The following GADL1 variants were observed in gnomAD, a reference collection of about 807,000 sequenced individuals.
GADL1 encodes GAD like acidic amino acid decarboxylase 1.
GADL1 carries 71 observed loss-of-function variants against 69.5 expected under a neutral mutation model. That is an observed-to-expected ratio of 1.02 (90% CI 0.84 to 1.25). The LOEUF (loss-of-function observed/expected upper bound fraction) is 1.25. Ranked by LOEUF, GADL1 falls within the 50% of genes most tolerant of loss-of-function variation. The pLI is 0.00. For synonymous variants in GADL1, 254 were observed against 214.4 expected, an observed-to-expected ratio of 1.18 and a Z score of -1.62; for missense variants, 737 against 631.8, an observed-to-expected ratio of 1.17 and a Z score of -1.79.
chr3:30,808,040 TAA>T (rs1400335073), intron 11 of GADL1, among the ~76,000 whole-genome samples: 2 of 151,728 alleles, frequency 1.3e-5, no homozygotes, highest in South Asian at 2.1e-4. Context: ...GGGGGGGAAA[TAA>T]AAGTGTTTTT....
At chr3:30,729,562 CG>C (rs1695423886) in intron 14 of GADL1, among the ~76,000 whole-genome samples, 1 of 152,124 alleles carries the variant, frequency 6.6e-6, no homozygotes, top group Non-Finnish European at 1.5e-5. Flanking sequence ...TGGGTTCCCA[CG>C]AGTCTCCCTC....
chr3:30,825,317 T>C (rs1440638282), intron 11 of GADL1, among the ~76,000 whole-genome samples: 1 of 151,962 alleles, frequency 6.6e-6, no homozygotes, highest in Non-Finnish European at 1.5e-5. Flanking sequence ...CTGAACAAAT[T>C]AGGGTTTAAA....
chr3:30,805,027 G>C (rs1000539604), intron 11 of GADL1, among the ~76,000 whole-genome samples: 7 of 152,168 alleles, frequency 4.6e-5, no homozygotes. Flanking sequence ...GACAAGCACA[G>C]AAACCACAAC....
In GADL1 at chr3:30,774,901, T is replaced by A. The variant is rs190788666; in HGVS notation, c.1392+3278A>T. On this transcript the variant is annotated intron_variant, in intron 14 of 14. Transcript: ENST00000282538. ...TGACATGAAGAAGCAGAGACGGAGG[T>A]AAAGAGGGGCTTGACGGTAAAGAAA... Among the ~76,000 whole-genome samples the A allele has an allele frequency of 4.2e-3, 637 of 151,494 alleles. 4 individuals are homozygous for A. Among genetic ancestry groups the A allele is most frequent in the African/African-American group, 0.015 (616 of 41,294 alleles).
At chr3:30,771,539 A>AT (rs1329906260) in intron 14 of GADL1, among the ~76,000 whole-genome samples, 20 of 152,212 alleles carry the variant, frequency 1.3e-4, no homozygotes, top group Non-Finnish European at 2.9e-5. Context: ...AGGCACTTTG[A>AT]TATTAGACTC....
At chr3:30,808,800 T>C (rs779220296) in intron 11 of GADL1, among the ~76,000 whole-genome samples, 24 of 152,224 alleles carry the variant, frequency 1.6e-4, no homozygotes, top group Non-Finnish European at 3.1e-4. Flanking sequence ...CTCACTGTTA[T>C]AAATATTCCC....
intron 11 of GADL1, among the ~76,000 whole-genome samples, chr3:30,806,530 G>A (rs1469344435): frequency 2.0e-5 from 3 of 152,198 alleles, no homozygotes; most frequent in African/African-American, 7.2e-5. Context: ...TGAAAGCTGT[G>A]CTAAGCACTG....
intron 14 of GADL1, among the ~76,000 whole-genome samples, chr3:30,764,840 AAAGC>A (rs907939214): frequency 5.9e-4 from 90 of 152,196 alleles, no homozygotes; most frequent in African/African-American, 2.1e-3. Flanking sequence ...ACAGTTGACT[AAAGC>A]AAGCTCTGCT....
intron 2 of GADL1, among the ~76,000 whole-genome samples, chr3:30,860,123 C>G (rs1226624737): frequency 6.6e-6 from 1 of 151,820 alleles, no homozygotes; most frequent in African/African-American, 2.4e-5. Context: ...CACTGCCCCC[C>G]AAAATTCTCA....
chr3:30,812,898 G>GA (rs1697388598), intron 11 of GADL1, among the ~76,000 whole-genome samples: 1 of 152,100 alleles, frequency 6.6e-6, no homozygotes, highest in Admixed American at 6.6e-5. Context: ...AGATAGAAGT[G>GA]AGGGAGGTAG....
intron 14 of GADL1, among the ~76,000 whole-genome samples, chr3:30,738,490 CTTTAAG>C (rs1695569661): frequency 6.6e-6 from 1 of 152,072 alleles, no homozygotes; most frequent in Non-Finnish European, 1.5e-5. Context: ...ATCCTGAGAC[CTTTAAG>C]TTTTTCTCGG....
intron 14 of GADL1, among the ~76,000 whole-genome samples, chr3:30,777,720 C>T (rs1696568408): frequency 6.6e-6 from 1 of 152,310 alleles, no homozygotes; most frequent in Middle Eastern, 3.4e-3. Flanking sequence ...CTTAGCATCT[C>T]TTTTCTTTTA....
chr3:30,730,082 A>C (rs555999768), intron 14 of GADL1, among the ~76,000 whole-genome samples: 38 of 152,340 alleles, frequency 2.5e-4, no homozygotes, highest in African/African-American at 8.9e-4. Flanking sequence ...TAGAGATTAG[A>C]AAAATGTAAC....
chr3:30,786,552 A>G, intron 12 of GADL1, 146 bp from the exon 13 acceptor site: 1 of 612,456 alleles, frequency 1.6e-6, no homozygotes, highest in Admixed American at 2.9e-5. Flanking sequence ...CTATGGATAG[A>G]TAAATACTCC....
Position 30,793,416 on chromosome 3 carries a change from GAAA to G in GADL1, c.1251-7013_1251-7011del, listed in dbSNP as rs570188033. On this transcript the variant is annotated intron_variant, in intron 12 of 14. Transcript: ENST00000282538. ...CTAATCTTATACATGGTGCAAGCCG[GAAA>G]AAAAGTACGTTCAGTTTGGGGACAT... is the stretch of plus-strand genomic sequence containing the variant. Among the ~76,000 whole-genome samples, 134 of 151,798 alleles carry G rather than the reference GAAA, an allele frequency of 8.8e-4. No individual in the cohort carries two copies. In the South Asian group the frequency reaches 9.6e-3, roughly 11 times the overall value.
At chr3:30,768,268 T>A (rs983634856) in intron 14 of GADL1, among the ~76,000 whole-genome samples, 1 of 152,218 alleles carries the variant, frequency 6.6e-6, no homozygotes, top group Non-Finnish European at 1.5e-5. Flanking sequence ...CATCTGTTAT[T>A]GTTTACAATA....
At chr3:30,863,243 G>T (rs957981880) in intron 1 of GADL1, among the ~76,000 whole-genome samples, 1 of 151,860 alleles carries the variant, frequency 6.6e-6, no homozygotes, top group Non-Finnish European at 1.5e-5. Context: ...GTCCCTGAGA[G>T]CCCCTAATTT....
chr3:30,738,627 G>A (rs1695572318), intron 14 of GADL1, among the ~76,000 whole-genome samples: 1 of 152,190 alleles, frequency 6.6e-6, no homozygotes, highest in South Asian at 2.1e-4. Flanking sequence ...CCATCTGAGA[G>A]GAGAGAATGA....
intron 11 of GADL1, among the ~76,000 whole-genome samples, chr3:30,808,304 T>C (rs964635521): frequency 2.0e-5 from 3 of 152,108 alleles, no homozygotes; most frequent in Non-Finnish European, 1.5e-5. Flanking sequence ...GAGACCAGCC[T>C]GACCAACATG....
Sources: allele counts gnomAD v4.1 joint callset (sites outside exome capture counted in the v4.1 genomes callset), GRCh38; gene constraint gnomAD v4.1.1; transcripts MANE v1.5; gene names NCBI Gene and HGNC (gene_info 2026-07-23, HGNC 2026-07-21).